The following DMD variants were observed in gnomAD, a reference collection of about 807,000 sequenced individuals.
The protein encoded by DMD is dystrophin.
A neutral mutation model predicts 330.1 loss-of-function variants in DMD; 63 were observed. The ratio of observed to expected loss-of-function variants is 0.19; its 90% CI spans 0.16 to 0.24. DMD has a LOEUF of 0.24. DMD is among the 10% of genes least tolerant of loss of function. The probability of loss-of-function intolerance (pLI) is 1.00; values close to 1 mark genes in which losing one functional copy is unlikely to be tolerated. For missense variants in DMD, 3,344 were observed against 2,684.1 expected (o/e 1.25, Z -5.43); for synonymous variants, 1,223 against 959.8 (o/e 1.27, Z -5.07).
At chrX:33,008,559 C>G (rs1478479551) in intron 2 of DMD, among the ~76,000 whole-genome samples, 1 of 109,748 alleles carries the variant, frequency 9.1e-6, no homozygotes, top group African/African-American at 3.3e-5. Flanking sequence ...ATGTTTTATT[C>G]TTAAGAAAAA....
At chrX:31,782,008 A>G (rs189554073) in intron 50 of DMD, among the ~76,000 whole-genome samples, 1 of 111,724 alleles carries the variant, frequency 9.0e-6, no homozygotes, top group Non-Finnish European at 1.9e-5. Flanking sequence ...TCAGAAGTAG[A>G]AATTAAGAGA....
chrX:31,462,307 C>T (rs995030368), intron 59 of DMD, among the ~76,000 whole-genome samples: 1 of 110,481 alleles, frequency 9.1e-6, no homozygotes, highest in African/African-American at 3.3e-5. Context: ...TGGTGAAACC[C>T]CATCTCTACT....
intron 55 of DMD, 143 bp downstream of exon 55, chrX:31,627,530 C>T (rs2078910261): frequency 5.1e-6 from 3 of 592,266 alleles, no homozygotes; most frequent in East Asian, 3.6e-5. Flanking sequence ...TGCCTCTCTC[C>T]TCCTTGTCCA....
chrX:32,264,626 A>T (rs962549567), intron 43 of DMD, among the ~76,000 whole-genome samples: 2 of 111,945 alleles, frequency 1.8e-5, no homozygotes, highest in Non-Finnish European at 3.8e-5. Flanking sequence ...CTTTGACCCA[A>T]ATGCTGATAG....
chrX:31,245,771 T>C (rs1009664366), intron 63 of DMD, among the ~76,000 whole-genome samples: 2 of 111,832 alleles, frequency 1.8e-5, no homozygotes, highest in Middle Eastern at 4.6e-3. Flanking sequence ...GCAAACTTAA[T>C]TGATCAACGT....
intron 3 of DMD, among the ~76,000 whole-genome samples, chrX:32,847,622 A>C (rs2080798934): frequency 8.9e-6 from 1 of 112,005 alleles, no homozygotes; most frequent in Admixed American, 9.5e-5. Context: ...TCCTCAGACC[A>C]GGGCTGACAG....
intron 51 of DMD, among the ~76,000 whole-genome samples, chrX:31,772,812 G>A (rs1300565238): frequency 9.0e-6 from 1 of 111,007 alleles, no homozygotes; most frequent in African/African-American, 3.3e-5. Flanking sequence ...CAAATTTTAG[G>A]TACATATATG....
At chrX:31,709,580 CTGTCTGTG>C (rs1314679400) in intron 52 of DMD, among the ~76,000 whole-genome samples, 2 of 79,424 alleles carry the variant, frequency 2.5e-5, no homozygotes, top group African/African-American at 1.1e-4. Flanking sequence ...CTCTCTCTCT[CTGTCTGTG>C]TGTGTGTGTG....
At chrX:33,073,526 G>C (rs1164453913) in intron 1 of DMD, among the ~76,000 whole-genome samples, 1 of 111,535 alleles carries the variant, frequency 9.0e-6, no homozygotes, top group Non-Finnish European at 1.9e-5. Flanking sequence ...CAAGCCATGA[G>C]TTACATATTA....
At chrX:33,059,788 T>C (rs1398867481) in intron 1 of DMD, among the ~76,000 whole-genome samples, 1 of 112,239 alleles carries the variant, frequency 8.9e-6, no homozygotes, top group East Asian at 2.8e-4. Flanking sequence ...AGGTGTATTT[T>C]CACATAGTGG....
At chrX:31,642,128 A>G (rs1395663911) in intron 54 of DMD, among the ~76,000 whole-genome samples, 1 of 112,028 alleles carries the variant, frequency 8.9e-6, no homozygotes. Context: ...ACATTCTTTA[A>G]TATTATTGAG....
intron 32 of DMD, among the ~76,000 whole-genome samples, chrX:32,387,770 G>T (rs2097969783): frequency 9.0e-6 from 1 of 111,126 alleles, no homozygotes; most frequent in African/African-American, 3.3e-5. Flanking sequence ...TAATTATTAT[G>T]TTGGAAATCA....
chrX:32,479,735 C>A (rs1020160381), intron 21 of DMD, among the ~76,000 whole-genome samples: 1 of 108,319 alleles, frequency 9.2e-6, no homozygotes, highest in Non-Finnish European at 1.9e-5. Flanking sequence ...CTCTATATAT[C>A]AGTATATATA....
intron 25 of DMD, among the ~76,000 whole-genome samples, chrX:32,459,820 A>G (rs1430804389): frequency 8.1e-5 from 9 of 111,241 alleles, no homozygotes. Flanking sequence ...GATAGGAATA[A>G]TACTTCTGGG....
intron 1 of DMD, among the ~76,000 whole-genome samples, chrX:33,073,803 T>C (rs1268696231): frequency 9.3e-6 from 1 of 107,702 alleles, no homozygotes; most frequent in Non-Finnish European, 1.9e-5. Flanking sequence ...CCGCACTCCA[T>C]CCTGGACAAC....
rs764194775 is a variant in DMD, at chrX:32,842,815, T to TTA, written c.264+1967_264+1968insTA. 6.3e-3 allele frequency among the ~76,000 whole-genome samples: 482 copies of TTA among 76,404 alleles called. 1 individual carries two copies. The highest frequency in any genetic ancestry group is 7.6e-3 in the Non-Finnish European group (378 of 49,492). The allele number at this position is 76,404 out of a possible 115,157, so 66.3% of individuals were successfully genotyped here. A position where few individuals can be genotyped will look rare whatever the true frequency, so the allele number is the denominator to read the frequency against. On this transcript the variant is annotated intron_variant, in intron 4 of 78. Transcript: ENST00000357033. ...CTGTATATGTACCAAATTATTATTA[T>TTA]TTTTTTTTTTGATATGGAATCTCGC...
intron 2 of DMD, among the ~76,000 whole-genome samples, chrX:32,907,450 A>T (rs1367511828): frequency 8.9e-6 from 1 of 112,107 alleles, no homozygotes; most frequent in Non-Finnish European, 1.9e-5. Context: ...TATTGTATCT[A>T]TCCTTCATGT....
At position 32,553,029 on chromosome X, in the gene DMD, C is replaced by G. The variant is rs185191392; in HGVS notation, c.1993-7695G>C. ...TTGGTGATTTCCCAAACAACGAAAA[C>G]CAGAATTACCATTCGACCCAGCAAT... On this transcript the variant is annotated intron_variant, in intron 16 of 78. Coordinates refer to ENST00000357033, the MANE Select transcript of DMD (RefSeq NM_004006.3). Among the ~76,000 whole-genome samples the G allele has an allele frequency of 8.9e-5, 10 of 111,839 alleles. No homozygotes were observed. In the East Asian group the frequency reaches 2.8e-3, roughly 32 times the overall value.
At chrX:32,506,394 G>T (rs1440692114) in intron 18 of DMD, among the ~76,000 whole-genome samples, 2 of 92,076 alleles carry the variant, frequency 2.2e-5, no homozygotes, top group Non-Finnish European at 4.2e-5. Context: ...AGGAATACTG[G>T]ATTCAATATC....
Sources: allele counts gnomAD v4.1 joint callset (sites outside exome capture counted in the v4.1 genomes callset), GRCh38; gene constraint gnomAD v4.1.1; transcripts MANE v1.5; gene names NCBI Gene and HGNC (gene_info 2026-07-23, HGNC 2026-07-21).